The following SMIM36 variants were observed in gnomAD, a reference collection of about 807,000 sequenced individuals.
SMIM36 encodes small integral membrane protein 36.
chr17:55,514,289 T>C (rs1910230048), upstream of SMIM36, among the ~76,000 whole-genome samples: 1 of 152,090 alleles, frequency 6.6e-6, no homozygotes, highest in African/African-American at 2.4e-5. Context: ...GTAAAAACAA[T>C]AACAAGCTGC....
the SMIM36 span, chr17:55,527,253 A>G: frequency 6.6e-6 from 1 of 152,352 alleles, no homozygotes; most frequent in African/African-American, 2.4e-5. Context: ...AGGAACATTC[A>G]GAGATGAAAG....
At chr17:55,523,610 A>T in the SMIM36 span, among the ~76,000 whole-genome samples, 1 of 152,034 alleles carries the variant, frequency 6.6e-6, no homozygotes. Context: ...CTCAGAAGAA[A>T]CCAGACCTGC....
intron 1 of SMIM36, 56 bp downstream of exon 1, chr17:55,510,823 A>G: frequency 3.2e-6 from 1 of 313,902 alleles, no homozygotes; most frequent in Non-Finnish European, 5.8e-6. Context: ...ATACTACAGC[A>G]TTGCTGACAG....
chr17:55,459,940 C>G (rs1439189412), intron 4 of SMIM36, among the ~76,000 whole-genome samples: 1 of 152,004 alleles, frequency 6.6e-6, no homozygotes, highest in African/African-American at 2.4e-5. Flanking sequence ...CTGTAGTAAG[C>G]TATGATAGCA....
At chr17:55,487,956 T>C (rs1402309081) in intron 1 of SMIM36, among the ~76,000 whole-genome samples, 4 of 151,792 alleles carry the variant, frequency 2.6e-5, no homozygotes, top group Admixed American at 6.6e-5. Context: ...GCTAGCTGAG[T>C]CTGATGGGAA....
intron 3 of SMIM36, among the ~76,000 whole-genome samples, chr17:55,467,619 A>G (rs578054376): frequency 2.0e-4 from 30 of 152,072 alleles, no homozygotes; most frequent in Non-Finnish European, 4.0e-4. Flanking sequence ...GATGGTCTCG[A>G]TCTCCTGACC....
chr17:55,529,429 C>T, the SMIM36 span, among the ~76,000 whole-genome samples: 1 of 152,060 alleles, frequency 6.6e-6, no homozygotes, highest in Non-Finnish European at 1.5e-5. Flanking sequence ...TCAAGAACAG[C>T]CTGGGTGACA....
rs533884526 is a variant in SMIM36 at position 55,450,467 on chromosome 17, T to C, written c.*532-169A>G. On this transcript the variant is annotated intron_variant, in intron 4 of 4. Transcript: ENST00000636752. ...GGCAAATTCCTTATTCTTTTCTATCTAGTTCTGCTGCCATCAGAAGCATAG... is the reference window on the plus strand; with the variant it reads ...GGCAAATTCCTTATTCTTTTCTATCCAGTTCTGCTGCCATCAGAAGCATAG... Among the ~76,000 whole-genome samples, 7 of 152,324 alleles carry C rather than the reference T, an allele frequency of 4.6e-5. No homozygotes were observed. In the East Asian group the frequency reaches 1.3e-3, roughly 29 times the overall value.
At chr17:55,451,501 C>G (rs2143219822) in intron 4 of SMIM36, among the ~76,000 whole-genome samples, 1 of 152,310 alleles carries the variant, frequency 6.6e-6, no homozygotes, top group Admixed American at 6.5e-5. Flanking sequence ...TTTGAAGTGG[C>G]TGTTTCCTCC....
At chr17:55,523,525 G>A in the SMIM36 span, among the ~76,000 whole-genome samples, 3 of 135,232 alleles carry the variant, frequency 2.2e-5, no homozygotes, top group South Asian at 2.3e-4. Flanking sequence ...GTGAGACTCC[G>A]TCTCAAAAAA....
At chr17:55,528,136 A>C in the SMIM36 span, 1 of 152,186 alleles carries the variant, frequency 6.6e-6, no homozygotes, top group Non-Finnish European at 1.5e-5. Context: ...AGTGTGTCTT[A>C]CGGTTTGCAA....
the SMIM36 span, among the ~76,000 whole-genome samples, chr17:55,532,062 G>A: frequency 6.6e-6 from 1 of 152,178 alleles, no homozygotes; most frequent in Non-Finnish European, 1.5e-5. Flanking sequence ...TCTCACCTGT[G>A]TAATTTTGTA....
intron 4 of SMIM36, chr17:55,458,199 C>T (rs1000612155): frequency 7.9e-5 from 12 of 152,118 alleles, no homozygotes; most frequent in Admixed American, 2.6e-4. Context: ...TGACATGATC[C>T]GCTATCTGGA....
chr17:55,492,708 CA>C (rs1909735701), intron 1 of SMIM36, among the ~76,000 whole-genome samples: 1 of 150,788 alleles, frequency 6.6e-6, no homozygotes, highest in Admixed American at 6.6e-5. Context: ...AGGGGCAATG[CA>C]ATTGAAATTC....
chr17:55,515,086 GTTTTTTTTT>G (rs1158864125), upstream of SMIM36, among the ~76,000 whole-genome samples: 30 of 54,100 alleles, frequency 5.5e-4, 1 homozygote, highest in South Asian at 6.3e-3. Flanking sequence ...CTAGTCTAGT[GTTTTTTTTT>G]TTTTTTTTTT....
chr17:55,521,446 A>G, the SMIM36 span, among the ~76,000 whole-genome samples: 6,139 of 152,310 alleles, frequency 0.04, 386 homozygotes, highest in African/African-American at 0.14. Flanking sequence ...TTTCACACCC[A>G]TGATGACATT....
At chr17:55,497,714 A>G (rs770334378) in intron 1 of SMIM36, among the ~76,000 whole-genome samples, 3 of 152,118 alleles carry the variant, frequency 2.0e-5, no homozygotes, top group Admixed American at 6.5e-5. Context: ...CGAACAAACA[A>G]GCAAAACAAA....
chr17:55,528,874 G>A, the SMIM36 span, among the ~76,000 whole-genome samples: 2 of 152,108 alleles, frequency 1.3e-5, no homozygotes, highest in South Asian at 2.1e-4. Context: ...AACCTATAAC[G>A]TAATTGTTTT....
intron 3 of SMIM36, among the ~76,000 whole-genome samples, chr17:55,469,841 G>A (rs1364252646): frequency 1.3e-5 from 2 of 152,176 alleles, no homozygotes; most frequent in Non-Finnish European, 2.9e-5. Flanking sequence ...AGCCGGGCAT[G>A]GTGGCACATG....
Sources: allele counts gnomAD v4.1 joint callset (sites outside exome capture counted in the v4.1 genomes callset), GRCh38; gene constraint gnomAD v4.1.1; transcripts MANE v1.5; gene names NCBI Gene and HGNC (gene_info 2026-07-23, HGNC 2026-07-21).